Variants in DLG2 observed in about 807,000 individuals in gnomAD.
The protein encoded by DLG2 is discs large MAGUK scaffold protein 2.
Under a neutral mutation model 132.5 loss-of-function variants are expected in DLG2, and 45 were observed. That is an observed-to-expected ratio of 0.34 (90% CI 0.27 to 0.44). The LOEUF (loss-of-function observed/expected upper bound fraction) is 0.44. DLG2 is among the 20% of genes least tolerant of loss of function. DLG2 has a pLI of 1.00. For missense variants in DLG2, 1,045 were observed against 1,196.9 expected, an observed-to-expected ratio of 0.87 and a Z score of 1.87; for synonymous variants, 424 against 419.6, an observed-to-expected ratio of 1.01 and a Z score of -0.13.
chr11:84,658,274 C>A (rs2099690570), intron 6 of DLG2, among the ~76,000 whole-genome samples: 1 of 152,054 alleles, frequency 6.6e-6, no homozygotes, highest in Non-Finnish European at 1.5e-5. Context: ...GAACTACCAA[C>A]CTTGATCAGA....
rs750586005 is a variant in DLG2 at position 83,874,494 on chromosome 11, A to G, written c.1497-6T>C. The stretch of plus-strand genomic sequence containing the variant: ...CGGTGCTATGTTGGGAATGACTGCA[A>G]GAAAAGACAGAAGAAACACACATCA... On this transcript the variant is annotated splice_polypyrimidine_tract_variant and splice_region_variant and intron_variant, in intron 15 of 27. Transcript: ENST00000376104. 15 of 1,590,824 alleles carry G rather than the reference A, an allele frequency of 9.4e-6. No individual in the cohort carries two copies. Among genetic ancestry groups the G allele is most frequent in the African/African-American group, 1.3e-5 (1 of 74,600 alleles).
rs543543756 is a variant in DLG2 at position 83,686,226 on chromosome 11, T to C, written c.1826-52901A>G. Among the ~76,000 whole-genome samples, 9 of 152,200 alleles carry C rather than the reference T, an allele frequency of 5.9e-5. 1 individual carries two copies. The highest frequency in any genetic ancestry group is 2.2e-4 in the African/African-American group (9 of 41,542). ...AGCTCCCCTTTCACTTGGAATTTGC[T>C]CCTTTCACTGCAGCCAGAATTCCAT... On this transcript the variant is annotated intron_variant, in intron 18 of 27. Transcript: ENST00000376104.
intron 7 of DLG2, among the ~76,000 whole-genome samples, chr11:84,497,183 T>C (rs1216570652): frequency 6.6e-6 from 1 of 152,188 alleles, no homozygotes; most frequent in African/African-American, 2.4e-5. Flanking sequence ...AATATTAGTG[T>C]CCCTTCCTCC....
At chr11:84,932,558 T>G (rs1193369190) in intron 6 of DLG2, among the ~76,000 whole-genome samples, 3 of 152,138 alleles carry the variant, frequency 2.0e-5, no homozygotes, top group Non-Finnish European at 4.4e-5. Context: ...CCCGTCCCTG[T>G]GCCCACCTGT....
At chr11:84,705,184 G>A (rs2059656122) in intron 6 of DLG2, among the ~76,000 whole-genome samples, 1 of 151,700 alleles carries the variant, frequency 6.6e-6, no homozygotes, top group Non-Finnish European at 1.5e-5. Flanking sequence ...GACTTACACA[G>A]GGACTGGGAA....
At chr11:84,475,809 G>T (rs1417953066) in intron 7 of DLG2, among the ~76,000 whole-genome samples, 4 of 152,064 alleles carry the variant, frequency 2.6e-5, no homozygotes, top group African/African-American at 9.7e-5. Flanking sequence ...ACCCACCTGG[G>T]GATAAGTGAA....
intron 7 of DLG2, among the ~76,000 whole-genome samples, chr11:84,265,491 G>A (rs78399647): frequency 0.018 from 2,778 of 152,132 alleles, 37 homozygotes; most frequent in Middle Eastern, 0.034. Context: ...AACTGAACTC[G>A]GATTTTAGTC....
chr11:83,652,454 T>C (rs2070856569), intron 18 of DLG2, among the ~76,000 whole-genome samples: 1 of 152,162 alleles, frequency 6.6e-6, no homozygotes, highest in South Asian at 2.1e-4. Context: ...CACTGCAACC[T>C]CCGCCTCCTG....
At position 85,278,682 on chromosome 11, in the gene DLG2, T is replaced by C. The variant is rs2078045858; in HGVS notation, c.186+6538A>G. On this transcript the variant is annotated intron_variant, in intron 4 of 27. Transcript: ENST00000376104. ...CTCTTCTAAGCCTTTACTCACATAG[T>C]TTTCTCCACCTGCAAGACCTTCAAC... Among the ~76,000 whole-genome samples, 3 of 152,120 alleles carry C rather than the reference T, an allele frequency of 2.0e-5. No homozygotes were observed. In the South Asian group the frequency reaches 6.2e-4, roughly 32 times the overall value.
At chr11:84,971,462 C>T (rs1263799518) in intron 6 of DLG2, among the ~76,000 whole-genome samples, 2 of 152,120 alleles carry the variant, frequency 1.3e-5, no homozygotes, top group Non-Finnish European at 2.9e-5. Context: ...GATAAAAAAA[C>T]TATTCTGGAG....
chr11:84,556,661 G>A (rs1345289177), intron 6 of DLG2, among the ~76,000 whole-genome samples: 1 of 152,168 alleles, frequency 6.6e-6, no homozygotes, highest in African/African-American at 2.4e-5. Flanking sequence ...GTTAGAGGGT[G>A]AAGAGCCTCT....
At chr11:85,465,982 T>C (rs1001867905) in intron 3 of DLG2, among the ~76,000 whole-genome samples, 7 of 152,146 alleles carry the variant, frequency 4.6e-5, no homozygotes, top group Non-Finnish European at 7.3e-5. Context: ...TTCCTGACTT[T>C]TTAATGATTG....
At chr11:85,015,783 C>T (rs1005619143) in intron 6 of DLG2, among the ~76,000 whole-genome samples, 7 of 152,030 alleles carry the variant, frequency 4.6e-5, no homozygotes, top group Non-Finnish European at 8.8e-5. Flanking sequence ...TTCCACAATT[C>T]GAATCAAGTG....
intron 21 of DLG2, among the ~76,000 whole-genome samples, chr11:83,496,185 GAT>G (rs111574678): frequency 0.056 from 8,025 of 144,008 alleles, 705 homozygotes; most frequent in African/African-American, 0.19. Flanking sequence ...TTTAACATAA[GAT>G]ATATATATAT....
chr11:83,697,772 G>T lies in DLG2; in HGVS notation c.1826-64447C>A, dbSNP rs546947545. 3.5e-4 allele frequency among the ~76,000 whole-genome samples: 53 copies of T among 152,302 alleles called. No individual in the cohort carries two copies. The East Asian group carries it at 5.2e-3, about 15-fold the overall frequency. ...TAAAATTAAAGGTGCTAACAATGCA[G>T]GTGGGATTTAAAAAGAACATGCACC... On this transcript the variant is annotated intron_variant, in intron 18 of 27. Transcript: ENST00000376104.
intron 6 of DLG2, among the ~76,000 whole-genome samples, chr11:84,846,531 A>T (rs1469225479): frequency 6.6e-6 from 1 of 152,032 alleles, no homozygotes; most frequent in Non-Finnish European, 1.5e-5. Flanking sequence ...AACTACTCTC[A>T]CCTGTGATAC....
intron 6 of DLG2, among the ~76,000 whole-genome samples, chr11:84,822,087 A>G (rs548883748): frequency 6.1e-5 from 9 of 148,124 alleles, no homozygotes; most frequent in Non-Finnish European, 1.1e-4. Flanking sequence ...TTGGTAAATA[A>G]TATCCTTTGC....
intron 5 of DLG2, among the ~76,000 whole-genome samples, chr11:85,134,772 G>A (rs2076035034): frequency 6.6e-6 from 1 of 151,924 alleles, no homozygotes; most frequent in Admixed American, 6.6e-5. Flanking sequence ...TACGTGTTCT[G>A]AGGAAAAAAA....
intron 17 of DLG2, among the ~76,000 whole-genome samples, chr11:83,796,685 T>C (rs2042904966): frequency 6.6e-6 from 1 of 152,214 alleles, no homozygotes; most frequent in South Asian, 2.1e-4. Context: ...TACCCTATGG[T>C]TCACTGTACT....
Sources: allele counts gnomAD v4.1 joint callset (sites outside exome capture counted in the v4.1 genomes callset), GRCh38; gene constraint gnomAD v4.1.1; transcripts MANE v1.5; gene names NCBI Gene and HGNC (gene_info 2026-07-23, HGNC 2026-07-21).